Variants in EEIG1 observed in about 807,000 individuals in gnomAD.
EEIG1 encodes the protein early estrogen-induced gene 1 protein.
chr9:127,955,452 G>A, the EEIG1 span, among the ~76,000 whole-genome samples: 3 of 152,276 alleles, frequency 2.0e-5, no homozygotes, highest in Non-Finnish European at 4.4e-5. Context: ...TCAGGAGCCC[G>A]GGAAAGCCTG....
the EEIG1 span, among the ~76,000 whole-genome samples, chr9:127,961,551 A>C: frequency 6.6e-6 from 1 of 152,232 alleles, no homozygotes; most frequent in Admixed American, 6.5e-5. Context: ...TAAACAGAGA[A>C]GACAGAAATC....
the EEIG1 span, chr9:127,942,908 T>C: frequency 8.1e-6 from 4 of 491,030 alleles, no homozygotes; most frequent in Non-Finnish European, 1.5e-5. Context: ...AGCTCCTTCT[T>C]GCCCACAAGC....
At chr9:127,945,841 C>G in the EEIG1 span, 1 of 871,992 alleles carries the variant, frequency 1.1e-6, no homozygotes, top group African/African-American at 1.7e-5. The surrounding 1 kb of genome is among the most constrained non-coding windows in gnomAD (Gnocchi z 6.5). Context: ...CCTCACAGAG[C>G]CTCCCATGGC....
the EEIG1 span, chr9:127,944,581 C>A: frequency 1.3e-6 from 2 of 1,528,492 alleles, no homozygotes; most frequent in Admixed American, 1.7e-5. Context: ...CAAGCCCCAG[C>A]CGCCCCGACG....
the EEIG1 span, among the ~76,000 whole-genome samples, chr9:127,976,898 T>A: frequency 6.6e-6 from 1 of 151,100 alleles, no homozygotes; most frequent in Admixed American, 6.6e-5. This position sits in a 1 kb window ranked among gnomAD's most constrained non-coding sequence, Gnocchi z 4.1. Flanking sequence ...TCTAACCAGG[T>A]CCAGTTCCCC....
At chr9:127,974,126 G>A in the EEIG1 span, among the ~76,000 whole-genome samples, 15 of 152,248 alleles carry the variant, frequency 9.9e-5, no homozygotes, top group Non-Finnish European at 1.5e-4. Context: ...CCAGCCCTGC[G>A]GTTGAGGAAG....
chr9:127,980,228 C>T, the EEIG1 span: 1 of 1,401,760 alleles, frequency 7.1e-7, no homozygotes, highest in Non-Finnish European at 9.7e-7. Flanking sequence ...CTCCTCAAAA[C>T]ACCAGAGCCG....
At chr9:127,978,403 A>G in the EEIG1 span, among the ~76,000 whole-genome samples, 1 of 152,150 alleles carries the variant, frequency 6.6e-6, no homozygotes, top group Non-Finnish European at 1.5e-5. Context: ...CTCTCAGAAC[A>G]GGGAGGCAGC....
At chr9:127,943,522 T>G in the EEIG1 span, 1 of 468,932 alleles carries the variant, frequency 2.1e-6, no homozygotes. Context: ...CCTGCCCCAC[T>G]TGACAGGTGA....
the EEIG1 span, chr9:127,953,315 G>A: frequency 9.7e-6 from 5 of 516,382 alleles, no homozygotes; most frequent in Non-Finnish European, 1.7e-5. Flanking sequence ...GTCCCAGAAA[G>A]AGGCCTGGAG....
chr9:127,951,795 C>A, the EEIG1 span, among the ~76,000 whole-genome samples: 1 of 132,270 alleles, frequency 7.6e-6, no homozygotes, highest in Admixed American at 9.0e-5. Flanking sequence ...CCAGCCTGGG[C>A]GACAGCGAGA....
the EEIG1 span, among the ~76,000 whole-genome samples, chr9:127,969,481 T>C: frequency 6.6e-6 from 1 of 152,228 alleles, no homozygotes; most frequent in Non-Finnish European, 1.5e-5. Context: ...CCGTACTCCA[T>C]GCCAGAGACT....
At chr9:127,950,065 T>G in the EEIG1 span, among the ~76,000 whole-genome samples, 1 of 152,120 alleles carries the variant, frequency 6.6e-6, no homozygotes, top group Non-Finnish European at 1.5e-5. Flanking sequence ...CTTAACTCCC[T>G]CCCATTTGAA....
chr9:127,944,879 C>T, the EEIG1 span: 1 of 1,612,084 alleles, frequency 6.2e-7, no homozygotes, highest in Admixed American at 1.7e-5. Context: ...GGGTGGCTCT[C>T]CACCGAGTCC....
At chr9:127,952,342 G>C in the EEIG1 span, among the ~76,000 whole-genome samples, 1 of 152,258 alleles carries the variant, frequency 6.6e-6, no homozygotes, top group East Asian at 1.9e-4. Context: ...GTGAGGCGAA[G>C]GCATTTCCCC....
At chr9:127,946,898 G>A in the EEIG1 span, among the ~76,000 whole-genome samples, 2 of 152,142 alleles carry the variant, frequency 1.3e-5, no homozygotes, top group Non-Finnish European at 1.5e-5. Flanking sequence ...GGGTTGTCAC[G>A]TGACACCTTG....
At chr9:127,947,537 T>C in the EEIG1 span, among the ~76,000 whole-genome samples, 7 of 152,306 alleles carry the variant, frequency 4.6e-5, no homozygotes, top group African/African-American at 9.6e-5. Context: ...TGGGATGTAA[T>C]TGCTATTACC....
the EEIG1 span, among the ~76,000 whole-genome samples, chr9:127,966,353 A>G: frequency 1.3e-5 from 2 of 151,960 alleles, no homozygotes; most frequent in African/African-American, 4.8e-5. Flanking sequence ...CGTACCTGTA[A>G]TCTCAGCTAC....
the EEIG1 span, chr9:127,943,127 A>T: frequency 6.6e-7 from 1 of 1,512,318 alleles, no homozygotes; most frequent in Non-Finnish European, 9.2e-7. Flanking sequence ...AAAGTTCCTC[A>T]TGGAATGATA....
Sources: allele counts gnomAD v4.1 joint callset (sites outside exome capture counted in the v4.1 genomes callset), GRCh38; gene constraint gnomAD v4.1.1; non-coding constraint Gnocchi (gnomAD v3.1); transcripts MANE v1.5; gene names NCBI Gene and HGNC (gene_info 2026-07-23, HGNC 2026-07-21).